BPHL: variants seen among roughly 807,000 people sequenced by gnomAD.
The protein encoded by BPHL is biphenyl hydrolase like.
In BPHL, 27 loss-of-function variants were observed where a neutral mutation model predicts 31.2. The ratio of observed to expected loss-of-function variants is 0.87; its 90% CI spans 0.64 to 1.19. The LOEUF (loss-of-function observed/expected upper bound fraction) is 1.19, where lower values mean the gene tolerates loss of function less well. Among genes scored for constraint, BPHL ranks in the 50% most tolerant of loss-of-function variants. The pLI is 0.00. For synonymous variants in BPHL, 150 were observed against 146.8 expected (o/e 1.02, Z -0.16); for missense variants, 356 against 375.7 (o/e 0.95, Z 0.43).
chr6:3,134,324 A>G (rs1355001712), intron 4 of BPHL, among the ~76,000 whole-genome samples: 1 of 151,882 alleles, frequency 6.6e-6, no homozygotes, highest in African/African-American at 2.4e-5. Flanking sequence ...CTGTGTTGCA[A>G]GCACCTCTTC....
At chr6:3,127,106 C>A (rs1410358105) in intron 2 of BPHL, 136 bp from the exon 3 acceptor site, 2 of 549,800 alleles carry the variant, frequency 3.6e-6, no homozygotes, top group African/African-American at 3.8e-5. Flanking sequence ...CATTGCAAGG[C>A]TGCTTTCCTG....
chr6:3,128,297 TC>T (rs1761772877), intron 3 of BPHL, among the ~76,000 whole-genome samples: 1 of 152,188 alleles, frequency 6.6e-6, no homozygotes. Flanking sequence ...AGGGAGAATT[TC>T]ATACACATTT....
chr6:3,130,147 C>T (rs1008418075), intron 4 of BPHL, among the ~76,000 whole-genome samples: 42 of 152,214 alleles, frequency 2.8e-4, no homozygotes, highest in African/African-American at 9.4e-4. Context: ...CAGTGAACTT[C>T]AGCCTGTGCA....
rs749536830 is a variant in BPHL at position 3,140,496 on chromosome 6, G to A, written c.775G>A (p.Val259Met). ...TCATGCCGACTTCATTCATAAGCACGTGAAAGGCTCACGGTAAGTCCTGTC... is the reference window on the plus strand; with the variant it reads ...TCATGCCGACTTCATTCATAAGCACATGAAAGGCTCACGGTAAGTCCTGTC... The part of the protein sequence containing the change: ...RFHADFIHKH[V>M]KGSRLHLMPE... Residue 259 changes from valine to methionine, a missense_variant, in exon 6 of 7, where the codon GTG (valine) becomes ATG (methionine). Physicochemically the swap from Val to Met is conservative, Grantham distance 21. Coordinates refer to ENST00000380379, the MANE Select transcript of BPHL (RefSeq NM_004332.4). This position sits in a 1 kb window ranked among gnomAD's most constrained non-coding sequence, Gnocchi z 5.2. The A allele has an allele frequency of 2.0e-5, 33 of 1,613,934 alleles. No homozygotes were observed. The highest frequency in any genetic ancestry group is 5.0e-5 in the Admixed American group (3 of 59,992).
chr6:3,147,470 G>C (rs1307098915), intron 6 of BPHL, among the ~76,000 whole-genome samples: 1 of 152,030 alleles, frequency 6.6e-6, no homozygotes, highest in Non-Finnish European at 1.5e-5. Context: ...GTCTCGCTCT[G>C]TTGCCCAGGC....
chr6:3,141,494 A>T (rs567701206), intron 6 of BPHL, among the ~76,000 whole-genome samples: 1 of 152,170 alleles, frequency 6.6e-6, no homozygotes, highest in Non-Finnish European at 1.5e-5. Flanking sequence ...CAGTCTCCCA[A>T]ATAGGTGGGA....
At chr6:3,151,576 G>T (rs185760939) in intron 6 of BPHL, among the ~76,000 whole-genome samples, 1 of 152,162 alleles carries the variant, frequency 6.6e-6, no homozygotes, top group Non-Finnish European at 1.5e-5. Context: ...CCCCAGTATT[G>T]AAACTCAAAA....
chr6:3,142,641 A>C (rs542361804), intron 6 of BPHL, among the ~76,000 whole-genome samples: 1 of 152,314 alleles, frequency 6.6e-6, no homozygotes, highest in Non-Finnish European at 1.5e-5. Context: ...TAGCTAGTAA[A>C]TAATTAATCT....
chr6:3,147,922 C>T (rs975035095), intron 6 of BPHL, among the ~76,000 whole-genome samples: 1 of 152,158 alleles, frequency 6.6e-6, no homozygotes, highest in African/African-American at 2.4e-5. Context: ...AGACTGAAGG[C>T]CAAGGAATTC....
At chr6:3,119,315 C>T (rs1761493440) in intron 1 of BPHL, 2 of 1,549,160 alleles carry the variant, frequency 1.3e-6, no homozygotes, top group Middle Eastern at 1.7e-4. Context: ...ACCGCTAAGG[C>T]TTTAATCACG....
In BPHL at chr6:3,133,939, A is replaced by G. The variant is rs375881636; in HGVS notation, c.533-3423A>G. ...AAATAAATTTACACTTCCACCAGCA[A>G]TAGATGAGATTCTTAACTTTTAGCT... is the stretch of plus-strand genomic sequence containing the variant. On this transcript the variant is annotated intron_variant, in intron 4 of 6. Coordinates refer to ENST00000380379, the MANE Select transcript of BPHL (RefSeq NM_004332.4). 3.9e-4 allele frequency among the ~76,000 whole-genome samples: 59 copies of G among 152,358 alleles called. 5 individuals are homozygous for G. The highest frequency in any genetic ancestry group is 1.4e-3 in the African/African-American group (58 of 41,596).
chr6:3,145,047 ATGCTGGTGTGGGTTGGAG>A (rs1338174696), intron 6 of BPHL, among the ~76,000 whole-genome samples: 4 of 150,342 alleles, frequency 2.7e-5, no homozygotes, highest in Admixed American at 2.6e-4. Flanking sequence ...TTGGGTTTGA[ATGCTGGTGTGGGTTGGAG>A]TGCTGGTGTG....
intron 1 of BPHL, among the ~76,000 whole-genome samples, chr6:3,122,258 C>CG (rs1007969510): frequency 3.2e-4 from 48 of 152,036 alleles, no homozygotes; most frequent in Middle Eastern, 3.4e-3. Context: ...CCAGCCTGGG[C>CG]GACAGAGTGA....
At chr6:3,138,851 C>A (rs1762086615) in intron 5 of BPHL, 1 of 152,198 alleles carries the variant, frequency 6.6e-6, no homozygotes, top group African/African-American at 2.4e-5. Flanking sequence ...AGGGTTAAAT[C>A]AGCAATTCAA....
intron 1 of BPHL, chr6:3,119,173 C>CA: frequency 9.9e-7 from 1 of 1,009,816 alleles, no homozygotes. Flanking sequence ...AGTATGGACT[C>CA]ACCCGTGACG....
Position 3,152,539 on chromosome 6 carries a change from T to C in BPHL, c.840T>C (p.Asp280=), listed in dbSNP as rs745932794. Residue 280 remains aspartate (D), a synonymous_variant, in exon 7 of 7, where the codon GAT becomes GAC. Coordinates refer to ENST00000380379, the MANE Select transcript of BPHL (RefSeq NM_004332.4). ...GKHNLHLRFA[D]EFNKLAEDFL... ...ACAACCTGCATTTGCGTTTTGCAGA[T>C]GAATTCAACAAGTTAGCAGAAGACT... 2 of 1,613,386 alleles carry C rather than the reference T, an allele frequency of 1.2e-6. No individual in the cohort carries two copies. Among genetic ancestry groups the C allele is most frequent in the Admixed American group, 1.7e-5 (1 of 59,866 alleles).
chr6:3,137,243 A>G (rs759287530), intron 4 of BPHL, 119 bp from the exon 5 acceptor site: 22 of 1,327,364 alleles, frequency 1.7e-5, no homozygotes, highest in South Asian at 5.5e-5. Context: ...GGAGGGAGGC[A>G]TTCCAGGCAG....
intron 3 of BPHL, among the ~76,000 whole-genome samples, chr6:3,127,952 CTGGGATTACAGGCACATGCCACTA>C (rs1310268856): frequency 6.6e-6 from 1 of 152,108 alleles, no homozygotes; most frequent in Non-Finnish European, 1.5e-5. Context: ...TCCTGAGTAG[CTGGGATTACAGGCACATGCCACTA>C]TGCCCAGCTA....
At chr6:3,144,363 G>GGCC (rs1298241028) in intron 6 of BPHL, among the ~76,000 whole-genome samples, 3 of 142,674 alleles carry the variant, frequency 2.1e-5, no homozygotes, top group African/African-American at 8.0e-5. Flanking sequence ...CACTGCACTT[G>GGCC]GCCTTCTTCT....
Sources: allele counts gnomAD v4.1 joint callset (sites outside exome capture counted in the v4.1 genomes callset), GRCh38; gene constraint gnomAD v4.1.1; non-coding constraint Gnocchi (gnomAD v3.1); transcripts MANE v1.5; gene names NCBI Gene and HGNC (gene_info 2026-07-23, HGNC 2026-07-21).